The following SPAG16 variants were observed in gnomAD, a reference collection of about 807,000 sequenced individuals.
SPAG16 encodes sperm associated antigen 16, also known as sperm-associated antigen 16 protein.
Under a neutral mutation model 80.4 loss-of-function variants are expected in SPAG16, and 86 were observed. The ratio of observed to expected loss-of-function variants is 1.07; its 90% CI spans 0.90 to 1.28. SPAG16 has a LOEUF of 1.28. Among genes scored for constraint, SPAG16 ranks in the 50% most tolerant of loss-of-function variants. The probability of loss-of-function intolerance (pLI) is 0.00; values close to 1 mark genes in which losing one functional copy is unlikely to be tolerated. For missense variants in SPAG16, 870 were observed against 765.3 expected (o/e 1.14, Z -1.61); for synonymous variants, 294 against 265.9 (o/e 1.11, Z -1.03).
At position 213,518,633 on chromosome 2, in the gene SPAG16, G is replaced by A. The variant is rs568827058; in HGVS notation, c.1070+28543G>A. ...AGAAAAGGGAGCATGTACAGTGGTG[G>A]TGGGAATGTAAATTAGTTCAGCCAC... On this transcript the variant is annotated intron_variant, in intron 10 of 15. Transcript: ENST00000331683. Among the ~76,000 whole-genome samples the A allele has an allele frequency of 2.6e-5, 4 of 152,324 alleles. No homozygotes were observed. The South Asian group carries it at 6.2e-4, about 24-fold the overall frequency.
At chr2:213,933,550 C>T (rs996549794) in intron 12 of SPAG16, among the ~76,000 whole-genome samples, 1 of 152,098 alleles carries the variant, frequency 6.6e-6, no homozygotes, top group South Asian at 2.1e-4. Flanking sequence ...GCTTGTAGCT[C>T]GAAGGAGAAG....
intron 2 of SPAG16, among the ~76,000 whole-genome samples, chr2:213,296,656 C>G (rs1297167677): frequency 6.6e-6 from 1 of 152,088 alleles, no homozygotes; most frequent in Non-Finnish European, 1.5e-5. Context: ...GCCTGGCGAG[C>G]CTGGGTGAGC....
chr2:213,425,992 T>A (rs1480756539), intron 9 of SPAG16, among the ~76,000 whole-genome samples: 1 of 152,210 alleles, frequency 6.6e-6, no homozygotes, highest in African/African-American at 2.4e-5. Flanking sequence ...CCAATATGTG[T>A]TATCATATTT....
intron 11 of SPAG16, among the ~76,000 whole-genome samples, chr2:213,874,239 T>C (rs1314748924): frequency 6.6e-6 from 1 of 152,148 alleles, no homozygotes; most frequent in Non-Finnish European, 1.5e-5. Flanking sequence ...ACTGAATTTG[T>C]TTTAAAATCA....
intron 10 of SPAG16, among the ~76,000 whole-genome samples, chr2:213,642,936 T>TTTTGGAACTCAGACTGG (rs2062656155): frequency 1.3e-5 from 2 of 151,498 alleles, no homozygotes; most frequent in South Asian, 4.2e-4. Flanking sequence ...CGTTCTTCAG[T>TTTTGGAACTCAGACTGG]TTTGGAACTC....
At chr2:214,060,660 C>T (rs1197036039) in intron 13 of SPAG16, among the ~76,000 whole-genome samples, 2 of 151,966 alleles carry the variant, frequency 1.3e-5, no homozygotes, top group African/African-American at 4.8e-5. Context: ...GAATATTTAG[C>T]ACTGTAAAGA....
rs187987553 is a variant in SPAG16, at chr2:213,359,823, T to C, written c.763-4253T>C. Among the ~76,000 whole-genome samples the C allele has an allele frequency of 5.4e-3, 815 of 152,168 alleles. 5 individuals carry two copies. The highest frequency in any genetic ancestry group is 7.6e-3 in the Non-Finnish European group (514 of 67,996). On this transcript the variant is annotated intron_variant, in intron 7 of 15. Coordinates refer to ENST00000331683, the MANE Select transcript of SPAG16 (RefSeq NM_024532.5). ...CCAATGGGATGAACCAGCACCTCAG[T>C]TGGAAATGCAGAAATCTGTCTTCTG...
intron 13 of SPAG16, among the ~76,000 whole-genome samples, chr2:214,070,255 TTTTA>T (rs1233318250): frequency 6.6e-6 from 1 of 152,040 alleles, no homozygotes; most frequent in East Asian, 1.9e-4. Context: ...TTCCCTAATG[TTTTA>T]TTTCTTATTT....
chr2:213,784,586 T>C (rs556880727), intron 10 of SPAG16, among the ~76,000 whole-genome samples: 1 of 127,400 alleles, frequency 7.8e-6, no homozygotes, highest in East Asian at 2.2e-4. Context: ...AGTAAATTTG[T>C]AATAGGAAAA....
chr2:213,531,295 G>C (rs746716040), intron 10 of SPAG16, among the ~76,000 whole-genome samples: 2 of 151,882 alleles, frequency 1.3e-5, no homozygotes, highest in Non-Finnish European at 2.9e-5. Context: ...TTAAAATCTA[G>C]TGCATAACCT....
Position 213,383,666 on chromosome 2 carries a change from A to G in SPAG16, c.942+8547A>G, listed in dbSNP as rs186363104. ...TGTCTTCTCTTGAGTACATCTGTAGATAGTCAAAACATATAAGACATGAAC... is the reference window on the plus strand; with the variant it reads ...TGTCTTCTCTTGAGTACATCTGTAGGTAGTCAAAACATATAAGACATGAAC... On this transcript the variant is annotated intron_variant, in intron 9 of 15. Transcript: ENST00000331683. Among the ~76,000 whole-genome samples the G allele has an allele frequency of 1.6e-4, 25 of 152,290 alleles. No individual in the cohort carries two copies. The East Asian group carries it at 4.0e-3, about 25-fold the overall frequency.
chr2:214,391,103 A>G lies in SPAG16; in HGVS notation c.1721-19037A>G, dbSNP rs375177145. 4.6e-5 allele frequency among the ~76,000 whole-genome samples: 7 copies of G among 152,310 alleles called. No individual in the cohort carries two copies. The East Asian group carries it at 9.7e-4, about 21-fold the overall frequency. ...ACCTGACTGTTGACAGGCTGTTTGC[A>G]TATGGATTTGAGCAGAGACACTGAA... is the stretch of plus-strand genomic sequence containing the variant. On this transcript the variant is annotated intron_variant, in intron 15 of 15. Coordinates refer to ENST00000331683, the MANE Select transcript of SPAG16 (RefSeq NM_024532.5).
At chr2:213,932,179 TATATATATATATATATATA>T (rs1376044675) in intron 12 of SPAG16, among the ~76,000 whole-genome samples, 60 of 26,006 alleles carry the variant, frequency 2.3e-3, no homozygotes, top group South Asian at 0.016. Context: ...TATATATATA[TATATATATATATATATATA>T]TTTGTTGTTG....
chr2:214,339,087 T>C (rs1254377337), intron 15 of SPAG16, among the ~76,000 whole-genome samples: 1 of 152,180 alleles, frequency 6.6e-6, no homozygotes, highest in Non-Finnish European at 1.5e-5. Flanking sequence ...AGATACCCAA[T>C]CAAATGAAAC....
intron 9 of SPAG16, among the ~76,000 whole-genome samples, chr2:213,433,737 A>G (rs980678843): frequency 2.6e-4 from 40 of 152,234 alleles, no homozygotes; most frequent in African/African-American, 9.6e-4. Flanking sequence ...AAAGAATTAT[A>G]AAGTATAATC....
intron 10 of SPAG16, among the ~76,000 whole-genome samples, chr2:213,493,196 A>G (rs1228367247): frequency 2.0e-5 from 3 of 152,248 alleles, no homozygotes; most frequent in African/African-American, 7.2e-5. Flanking sequence ...CATGACAAGC[A>G]CGACCTAGGA....
chr2:214,228,032 A>G (rs953855283), intron 15 of SPAG16, among the ~76,000 whole-genome samples: 2 of 151,962 alleles, frequency 1.3e-5, no homozygotes, highest in South Asian at 4.1e-4. Flanking sequence ...AAATAATTGA[A>G]TATTGAATAT....
intron 15 of SPAG16, among the ~76,000 whole-genome samples, chr2:214,363,272 C>T (rs1261317106): frequency 6.6e-6 from 1 of 151,914 alleles, no homozygotes; most frequent in Non-Finnish European, 1.5e-5. Context: ...TAATCTGCCC[C>T]TGCTATCATC....
chr2:213,296,211 T>C, intron 2 of SPAG16, 101 bp downstream of exon 2: 1 of 813,178 alleles, frequency 1.2e-6, no homozygotes, highest in Non-Finnish European at 2.0e-6. Context: ...CATTCTTTTT[T>C]CTTAAGAGAT....
Sources: gnomAD v4.1 joint callset for allele counts (sites outside exome capture counted in the v4.1 genomes callset) on GRCh38, gnomAD v4.1.1 for gene constraint, MANE v1.5 for transcripts, NCBI Gene and HGNC (gene_info 2026-07-23, HGNC 2026-07-21) for gene names.